Variants in ITGB4 observed in about 807,000 individuals in gnomAD.
The protein encoded by ITGB4 is integrin beta-4.
In ITGB4, 159 loss-of-function variants were observed where a neutral mutation model predicts 207.6. The ratio of observed to expected loss-of-function variants is 0.77; its 90% CI spans 0.67 to 0.87. ITGB4 has a LOEUF of 0.87. ITGB4 is among the 40% of genes least tolerant of loss of function. ITGB4 has a pLI of 0.00. For missense variants in ITGB4, 2,278 were observed against 2,546.8 expected (o/e 0.89, Z 2.27); for synonymous variants, 1,020 against 1,062.7 (o/e 0.96, Z 0.78).
intron 35 of ITGB4, among the ~76,000 whole-genome samples, 186 bp downstream of exon 35, chr17:75,756,036 G>A (rs903469280): frequency 6.6e-6 from 1 of 152,176 alleles, no homozygotes; most frequent in African/African-American, 2.4e-5. Flanking sequence ...CCTCTTCTGA[G>A]GTCTCACCCA....
chr17:75,737,408 G>T lies in ITGB4; in HGVS notation c.2077G>T (p.Gly693Trp). ...CACCATGGAAGGTGACGGCGCCCCTGGGCCCAACAGCACTGTCCTGGTGCA... is the reference window on the plus strand; with the variant it reads ...CACCATGGAAGGTGACGGCGCCCCTTGGCCCAACAGCACTGTCCTGGTGCA... ...SYTMEGDGAP[G>W]PNSTVLVHKK... The change falls in exon 17 of 40, where the codon GGG (glycine) becomes TGG (tryptophan). Residue 693 changes from glycine (G) to tryptophan (W), a missense_variant. Physicochemically the swap from Gly to Trp is radical, Grantham distance 184. Coordinates refer to ENST00000200181, the MANE Select transcript of ITGB4 (RefSeq NM_000213.5). 22 of 1,560,260 alleles carry T rather than the reference G, an allele frequency of 1.4e-5. No individual in the cohort carries two copies. The highest frequency in any genetic ancestry group is 1.9e-5 in the Non-Finnish European group (22 of 1,152,156).
In ITGB4 at chr17:75,730,869, C is replaced by G; in HGVS notation, c.1003-6C>G. 1 of 1,610,534 alleles carries G rather than the reference C, an allele frequency of 6.2e-7. No homozygotes were observed. The highest frequency in any genetic ancestry group is 8.5e-7 in the Non-Finnish European group (1 of 1,177,948). ...TTAGCCTGAGACCTGGCCTTCTCTC[C>G]CGCAGAAGCTTCACACCTATTTCCC... On this transcript the variant is annotated splice_region_variant and splice_polypyrimidine_tract_variant and intron_variant, in intron 8 of 39. Coordinates refer to ENST00000200181, the MANE Select transcript of ITGB4 (RefSeq NM_000213.5).
chr17:75,754,268 G>A (rs1449622591), intron 33 of ITGB4, among the ~76,000 whole-genome samples: 1 of 152,188 alleles, frequency 6.6e-6, no homozygotes, highest in Non-Finnish European at 1.5e-5. Context: ...GGACAGGAGG[G>A]AAGGCTTGGG....
chr17:75,737,103 G>A (rs1313461243), intron 16 of ITGB4, among the ~76,000 whole-genome samples: 1 of 152,168 alleles, frequency 6.6e-6, no homozygotes, highest in Non-Finnish European at 1.5e-5. Flanking sequence ...AGTGGGGGAG[G>A]TAGGTTTCTA....
intron 36 of ITGB4, 34 bp downstream of exon 36, chr17:75,756,651 C>G (rs542100967): frequency 2.5e-6 from 4 of 1,612,952 alleles, no homozygotes; most frequent in East Asian, 4.5e-5. Flanking sequence ...GAGCTGCCCC[C>G]ATCATGCCCA....
rs748202427 is a variant in ITGB4, at chr17:75,751,060, G to A, written c.3742G>A (p.Gly1248Ser). The part of the protein sequence containing the change: ...LSWAEPAETN[G>S]EITAYEVCYG... Reference sequence around the variant, plus strand: ...CTGGGCTGAGCCGGCTGAGACCAACGGTGAGATCACAGCCTACGAGGTCTG... The same window carrying A: ...CTGGGCTGAGCCGGCTGAGACCAACAGTGAGATCACAGCCTACGAGGTCTG... Residue 1248 changes from glycine (G) to serine (S), a missense_variant, in exon 30 of 40, where the codon GGT becomes AGT. Coordinates refer to ENST00000200181, the MANE Select transcript of ITGB4 (RefSeq NM_000213.5). 20 of 1,613,720 alleles carry A rather than the reference G, an allele frequency of 1.2e-5. No homozygotes were observed. Among genetic ancestry groups the A allele is most frequent in the South Asian group, 9.9e-5 (9 of 91,084 alleles).
Position 75,739,746 on chromosome 17 carries a change from G to T in ITGB4, c.2254+41G>T. On this transcript the variant is annotated intron_variant, in intron 19 of 39. Transcript: ENST00000200181. This position sits in a 1 kb window ranked among gnomAD's most constrained non-coding sequence, Gnocchi z 5.4. ...CGCAGGGGCAGCAGGGGCTCTGACT[G>T]CTCTTTCTCTGAGCTGGGGTGGAGG... 1 of 1,613,394 alleles carries T rather than the reference G, an allele frequency of 6.2e-7. No homozygotes were observed. Among genetic ancestry groups the T allele is most frequent in the Non-Finnish European group, 8.5e-7 (1 of 1,179,374 alleles).
chr17:75,743,776 G>A lies in ITGB4; in HGVS notation c.3026G>A (p.Arg1009His), dbSNP rs377527264. Reference sequence around the variant, plus strand: ...GTCAGCCGCGGGGACCAGGTGGCCCGCATCCCTGTCATCCGGCGTGTCCTG... The same window carrying A: ...GTCAGCCGCGGGGACCAGGTGGCCCACATCCCTGTCATCCGGCGTGTCCTG... ...FSVSRGDQVA[R>H]IPVIRRVLDG... is the part of the protein sequence containing the mutation. Residue 1009 changes from arginine to histidine, a missense_variant, in exon 26 of 40, where the codon CGC becomes CAC. Transcript: ENST00000200181. 4.9e-5 allele frequency: 79 copies of A among 1,613,286 alleles called. No homozygotes were observed. Among genetic ancestry groups the A allele is most frequent in the Non-Finnish European group, 6.4e-5 (75 of 1,179,964 alleles).
chr17:75,729,451 G>A lies in ITGB4; in HGVS notation c.738+15G>A. Reference sequence around the variant, plus strand: ...CTGTGTGCACGGTGGGCACTGGGAAGGGTGCTGCCAGCCTAGGCCAGGGGT... The same window carrying A: ...CTGTGTGCACGGTGGGCACTGGGAAAGGTGCTGCCAGCCTAGGCCAGGGGT... On this transcript the variant is annotated intron_variant, in intron 7 of 39. Transcript: ENST00000200181. This position sits in a 1 kb window ranked among gnomAD's most constrained non-coding sequence, Gnocchi z 4.4. 6.2e-7 allele frequency: 1 copy of A among 1,612,904 alleles called. No individual in the cohort carries two copies.
Position 75,742,325 on chromosome 17 carries a change from T to C in ITGB4, c.2634-16T>C. On this transcript the variant is annotated splice_polypyrimidine_tract_variant and intron_variant, in intron 23 of 39. Transcript: ENST00000200181. This position sits in a 1 kb window ranked among gnomAD's most constrained non-coding sequence, Gnocchi z 5.9. ...CCTGACCCCTCCGCTGCCTGAACCT[T>C]CCACCCTCGACCCAGGCAAGACCAC... 1 of 1,613,152 alleles carries C rather than the reference T, an allele frequency of 6.2e-7. No individual in the cohort carries two copies. Among genetic ancestry groups the C allele is most frequent in the Non-Finnish European group, 8.5e-7 (1 of 1,180,010 alleles).
Position 75,731,991 on chromosome 17 carries a change from A to T in ITGB4, c.1377+18A>T, listed in dbSNP as rs202098978. 3.3e-4 allele frequency: 526 copies of T among 1,613,836 alleles called. 4 individuals carry two copies. The African/African-American group carries it at 6.4e-3, about 20-fold the overall frequency. The stretch of plus-strand genomic sequence containing the variant: ...GCGAGCTGGTACAACGCAGCCCCGC[A>T]GGGCGGGAGGGGAGAGCTGAGCCAA... On this transcript the variant is annotated intron_variant, in intron 11 of 39. Transcript: ENST00000200181. The surrounding 1 kb of genome is among the most constrained non-coding windows in gnomAD (Gnocchi z 6.8).
chr17:75,754,033 G>A (rs1163010958), intron 33 of ITGB4, 59 bp downstream of exon 33: 4 of 819,732 alleles, frequency 4.9e-6, no homozygotes, highest in Middle Eastern at 4.2e-4. Flanking sequence ...TCGCGCCTGA[G>A]GGCCTGGGGT....
chr17:75,749,024 A>G lies in ITGB4; in HGVS notation c.3295A>G (p.Thr1099Ala), dbSNP rs751330879. 12 of 1,610,876 alleles carry G rather than the reference A, an allele frequency of 7.4e-6. No homozygotes were observed. In the African/African-American group the frequency reaches 1.3e-4, roughly 18 times the overall value. Residue 1099 changes from threonine (T) to alanine (A), a missense_variant, in exon 27 of 40, where the codon ACC becomes GCC. Coordinates refer to ENST00000200181, the MANE Select transcript of ITGB4 (RefSeq NM_000213.5). ...CCACCTGGGCCAGCCCCACTCCACC[A>G]CCATCATCATCAGGGACCCAGGTAG... is the stretch of plus-strand genomic sequence containing the variant. ...GAHLGQPHST[T>A]IIIRDPDELD...
Position 75,740,051 on chromosome 17 carries a change from G to A in ITGB4, c.2426G>A (p.Ser809Asn), listed in dbSNP as rs138499170. 3.1e-6 allele frequency: 5 copies of A among 1,612,502 alleles called. No homozygotes were observed. The highest frequency in any genetic ancestry group is 1.3e-5 in the African/African-American group (1 of 74,942). ...QRPGFATHAA[S>N]INPTELVPYG... ...CCTGGCTTTGCCACTCATGCCGCCA[G>A]CATCAACCCCACAGAGCTGGGTGAG... Residue 809 changes from serine to asparagine, a missense_variant, in exon 20 of 40, where the codon AGC becomes AAC. Ser to Asn is a conservative substitution (Grantham distance 46). Transcript: ENST00000200181. The surrounding 1 kb of genome is among the most constrained non-coding windows in gnomAD (Gnocchi z 5.9).
chr17:75,737,434 C>T lies in ITGB4; in HGVS notation c.2103C>T (p.His701=), dbSNP rs1568359452. 6.4e-7 allele frequency: 1 copy of T among 1,555,172 alleles called. No homozygotes were observed. The highest frequency in any genetic ancestry group is 8.7e-7 in the Non-Finnish European group (1 of 1,149,200). Residue 701 remains histidine, a synonymous_variant, in exon 17 of 40, where the codon CAC becomes CAT. Coordinates refer to ENST00000200181, the MANE Select transcript of ITGB4 (RefSeq NM_000213.5). Reference sequence around the variant, plus strand: ...GGCCCAACAGCACTGTCCTGGTGCACAAGAAGAAGGGTGAGCTGGTGGGGC... The same window carrying T: ...GGCCCAACAGCACTGTCCTGGTGCATAAGAAGAAGGGTGAGCTGGTGGGGC... ...APGPNSTVLV[H]KKKDCPPGSF...
chr17:75,748,768 G>A, intron 26 of ITGB4, 73 bp from the exon 27 acceptor site: 1 of 1,127,496 alleles, frequency 8.9e-7, no homozygotes, highest in Non-Finnish European at 1.3e-6. Flanking sequence ...ATGAGGTTGG[G>A]AGGGAGCGTG....
Position 75,729,569 on chromosome 17 carries a change from C to T in ITGB4, c.738+133C>T. 1 of 906,628 alleles carries T rather than the reference C, an allele frequency of 1.1e-6. No homozygotes were observed. The highest frequency in any genetic ancestry group is 1.6e-6 in the Non-Finnish European group (1 of 616,836). 56.2% of individuals were successfully genotyped at this position (906,628 alleles called of 1,614,324 possible). A position where few individuals can be genotyped will look rare whatever the true frequency, so the allele number is the denominator to read the frequency against. On this transcript the variant is annotated intron_variant, in intron 7 of 39. Coordinates refer to ENST00000200181, the MANE Select transcript of ITGB4 (RefSeq NM_000213.5). This position sits in a 1 kb window ranked among gnomAD's most constrained non-coding sequence, Gnocchi z 4.4. ...GGGAAAGCCTGGGAGCCTGCAACCCCTTCACCCTGAGACAAGCTCAGACTC... is the reference window on the plus strand; with the variant it reads ...GGGAAAGCCTGGGAGCCTGCAACCCTTTCACCCTGAGACAAGCTCAGACTC...
At position 75,756,612 on chromosome 17, in the gene ITGB4, T is replaced by G. The variant is rs1456318600; in HGVS notation, c.4892T>G (p.Leu1631Arg). The G allele has an allele frequency of 1.2e-6, 2 of 1,612,696 alleles. No homozygotes were observed. Among genetic ancestry groups the G allele is most frequent in the Non-Finnish European group, 1.7e-6 (2 of 1,179,932 alleles). Residue 1631 changes from leucine (L) to arginine (R), a missense_variant, in exon 36 of 40, where the codon CTG becomes CGG. Transcript: ENST00000200181. ...CACCCGCAGAGCCCACTGTGTCCCCTGCCAGGTGAGTTGCCTCCCCCAGCC... is the reference window on the plus strand; with the variant it reads ...CACCCGCAGAGCCCACTGTGTCCCCGGCCAGGTGAGTTGCCTCCCCCAGCC... ...QVHPQSPLCPLPGSAFTLSTP... is the reference protein window; with the variant it reads ...QVHPQSPLCPRPGSAFTLSTP...
chr17:75,742,413 A>C lies in ITGB4; in HGVS notation c.2706A>C (p.Thr902=). The change falls in exon 24 of 40, where the codon ACA becomes ACC. Residue 902 remains threonine (T), a synonymous_variant. Transcript: ENST00000200181. The surrounding 1 kb of genome is among the most constrained non-coding windows in gnomAD (Gnocchi z 5.9). The stretch of plus-strand genomic sequence containing the variant: ...CCAAGCCGGCCCTGCTGAAGCTTAC[A>C]GAGAAGCAGGTGGAACAGAGGGCCT... ...RSAKPALLKL[T]EKQVEQRAFH... 1 of 1,613,382 alleles carries C rather than the reference A, an allele frequency of 6.2e-7. No homozygotes were observed. The highest frequency in any genetic ancestry group is 8.5e-7 in the Non-Finnish European group (1 of 1,179,936).
Sources: gnomAD v4.1 joint callset for allele counts (sites outside exome capture counted in the v4.1 genomes callset) on GRCh38, gnomAD v4.1.1 for gene constraint, Gnocchi (gnomAD v3.1) non-coding constraint, MANE v1.5 for transcripts, NCBI Gene and HGNC (gene_info 2026-07-23, HGNC 2026-07-21) for gene names.